CCDC158: variants seen among roughly 807,000 people sequenced by gnomAD.
The protein encoded by CCDC158 is coiled-coil domain-containing protein 158.
In CCDC158, 116 loss-of-function variants were observed where a neutral mutation model predicts 138.6. That is an observed-to-expected ratio of 0.84 (90% CI 0.72 to 0.98). The LOEUF (loss-of-function observed/expected upper bound fraction) is 0.98, where lower values mean the gene tolerates loss of function less well. Ranked by LOEUF, CCDC158 falls within the 50% of genes least tolerant of loss-of-function variation. CCDC158 has a pLI of 0.00. For synonymous variants in CCDC158, 436 were observed against 442.4 expected (o/e 0.99, Z 0.18); for missense variants, 1,265 against 1,306.1 (o/e 0.97, Z 0.48).
intron 6 of CCDC158, 43 bp from the exon 7 acceptor site, chr4:76,383,781 T>A (rs777131701): frequency 7.2e-7 from 1 of 1,381,292 alleles, no homozygotes; most frequent in East Asian, 2.3e-5. Context: ...CTGGTAAATA[T>A]AAGGCTTGGA....
chr4:76,402,232 A>C (rs555092428), intron 3 of CCDC158: 1 of 152,262 alleles, frequency 6.6e-6, no homozygotes, highest in Admixed American at 6.5e-5. Flanking sequence ...TTGCCCTTGA[A>C]TGCATTCTCT....
intron 4 of CCDC158, among the ~76,000 whole-genome samples, chr4:76,388,609 A>G (rs1678148404): frequency 6.6e-6 from 1 of 152,186 alleles, no homozygotes; most frequent in South Asian, 2.1e-4. Flanking sequence ...ATTTGACTCC[A>G]ATCCCTGGCT....
chr4:76,408,484 G>C (rs1053861541), intron 2 of CCDC158, among the ~76,000 whole-genome samples: 4 of 152,048 alleles, frequency 2.6e-5, no homozygotes, highest in African/African-American at 9.7e-5. Context: ...ATGGTTTCCA[G>C]CTTCATCCAC....
chr4:76,338,388 T>C (rs1721736790), intron 18 of CCDC158, among the ~76,000 whole-genome samples: 1 of 152,164 alleles, frequency 6.6e-6, no homozygotes, highest in African/African-American at 2.4e-5. Context: ...CGTGTATGCC[T>C]GTAGTCCCAG....
intron 8 of CCDC158, among the ~76,000 whole-genome samples, chr4:76,381,483 G>T (rs745650533): frequency 1.5e-4 from 23 of 152,222 alleles, no homozygotes; most frequent in Non-Finnish European, 1.3e-4. Context: ...CTTTGTTTTG[G>T]CCTATTTTTC....
chr4:76,350,846 T>C lies in CCDC158; in HGVS notation c.2664+150A>G, dbSNP rs551576835. 2.0e-4 allele frequency: 124 copies of C among 631,372 alleles called. No homozygotes were observed. The African/African-American group carries it at 2.0e-3, about 10-fold the overall frequency. The allele number at this position is 631,372 out of a possible 1,614,324, so 39.1% of individuals were successfully genotyped here. ...AATATTTTTATTCACCTGGACTCCA[T>C]TGAATTTATAGGAAAATGTATAAAT... is the stretch of plus-strand genomic sequence containing the variant. On this transcript the variant is annotated intron_variant, in intron 18 of 24. Transcript: ENST00000682701.
In CCDC158 at chr4:76,351,751, C is replaced by A. The variant is rs375808480; in HGVS notation, c.2507G>T (p.Arg836Leu). 7 of 1,612,776 alleles carry A rather than the reference C, an allele frequency of 4.3e-6. No homozygotes were observed. The highest frequency in any genetic ancestry group is 1.1e-5 in the South Asian group (1 of 90,964). ...IIQRQEQESV[R>L]LKLQHTLDIK... is the part of the protein sequence containing the mutation. ...ATCCAAAGTGTGTTGAAGTTTTAAG[C>A]GCACTGATTCTTGCTCCTGACGCTG... Residue 836 changes from arginine to leucine, a missense_variant, in exon 17 of 25, where the codon CGC (arginine) becomes CTC (leucine). By Grantham distance (102) the Arg-to-Leu change is moderately radical. Coordinates refer to ENST00000682701, the MANE Select transcript of CCDC158 (RefSeq NM_001394954.1).
At chr4:76,331,043 C>T (rs7658585) in intron 21 of CCDC158, among the ~76,000 whole-genome samples, 37,280 of 152,030 alleles carry the variant, frequency 0.25, 5,683 homozygotes, top group East Asian at 0.69. Flanking sequence ...CCTATTCTAA[C>T]TAGATCTTAA....
chr4:76,371,311 A>T (rs902223119), intron 10 of CCDC158, 106 bp downstream of exon 10: 1 of 1,127,856 alleles, frequency 8.9e-7, no homozygotes, highest in Non-Finnish European at 1.3e-6. Flanking sequence ...GTATGCACAA[A>T]TATTTTGTAA....
intron 8 of CCDC158, among the ~76,000 whole-genome samples, chr4:76,379,848 C>G (rs1367325135): frequency 1.3e-5 from 2 of 151,820 alleles, no homozygotes; most frequent in African/African-American, 4.8e-5. Flanking sequence ...AGGGGAGGGA[C>G]CTGGTGGGAG....
At chr4:76,323,482 G>T in intron 23 of CCDC158, 73 bp from the exon 24 acceptor site, 2 of 1,174,334 alleles carry the variant, frequency 1.7e-6, no homozygotes, top group South Asian at 1.6e-5. Context: ...TTGAATTAAA[G>T]GCTAAACAAT....
Position 76,379,423 on chromosome 4 carries a change from G to T in CCDC158, c.915-19C>A, listed in dbSNP as rs764708417. On this transcript the variant is annotated intron_variant, in intron 8 of 24. Coordinates refer to ENST00000682701, the MANE Select transcript of CCDC158 (RefSeq NM_001394954.1). ...TTGCTCTCTAAGAAGAGTTTAGAAG[G>T]GGAATAAGTGCAAATAGCAAACTAA... The T allele has an allele frequency of 7.7e-5, 114 of 1,483,342 alleles. No individual in the cohort carries two copies. The East Asian group carries it at 2.6e-3, about 34-fold the overall frequency. The allele number at this position is 1,483,342 out of a possible 1,614,324, so 91.9% of individuals were successfully genotyped here. A position where few individuals can be genotyped will look rare whatever the true frequency, so the allele number is the denominator to read the frequency against.
At position 76,367,556 on chromosome 4, in the gene CCDC158, CG is replaced by C. The variant is rs1724802455; in HGVS notation, c.1567del (p.Arg523AlafsTer6). On this transcript the variant is annotated frameshift_variant, in exon 12 of 25. Transcript: ENST00000682701. LOFTEE classifies it high-confidence loss of function. ...CTGCAATTTCAAGTCCACCCGGGAG[CG>C]GAGCTTTGTGATCTCTGCATTGGTA... ...EATNAEITKL[R>X]SRVDLKLQEL... The C allele has an allele frequency of 5.0e-6, 8 of 1,614,204 alleles. No individual in the cohort carries two copies. The highest frequency in any genetic ancestry group is 5.9e-6 in the Non-Finnish European group (7 of 1,180,022).
intron 3 of CCDC158, 62 bp downstream of exon 3, chr4:76,403,076 C>G: frequency 1.7e-6 from 2 of 1,169,246 alleles, no homozygotes; most frequent in Non-Finnish European, 2.5e-6. Flanking sequence ...GAAACAGCAG[C>G]TTGAATGAAT....
At position 76,353,271 on chromosome 4, in the gene CCDC158, A is replaced by T. The variant is rs772153260; in HGVS notation, c.2297T>A (p.Phe766Tyr). 16 of 1,606,296 alleles carry T rather than the reference A, an allele frequency of 1.0e-5. No homozygotes were observed. Among genetic ancestry groups the T allele is most frequent in the Non-Finnish European group, 1.3e-5 (15 of 1,176,710 alleles). The change falls in exon 16 of 25, where the codon TTT becomes TAT. Residue 766 changes from phenylalanine (F) to tyrosine (Y), a missense_variant. Transcript: ENST00000682701. ...GAGTTTACTTTTCTCTTCTTTCAGA[A>T]AATGTTTCTCCTACAATTATATGAG... ...AMTNANKEKH[F>Y]LKEEKSKLSQ...
intron 4 of CCDC158, among the ~76,000 whole-genome samples, chr4:76,386,232 A>T (rs1054454712): frequency 7.4e-5 from 11 of 147,978 alleles, no homozygotes; most frequent in Admixed American, 5.5e-4. Context: ...AAATTTTAAA[A>T]ACTATCTGCA....
rs766440132 is a variant in CCDC158, at chr4:76,357,465, T to A, written c.2082A>T (p.Thr694=). ...RNKSEEMEMT[T]NKLKMQLKSA... ...ATTTTAATTGCATTTTCAACTTATTTGTAGTCATTTCCATTTCTTCACTTT... is the reference window on the plus strand; with the variant it reads ...ATTTTAATTGCATTTTCAACTTATTAGTAGTCATTTCCATTTCTTCACTTT... Residue 694 remains threonine, a synonymous_variant, in exon 14 of 25, where the codon ACA becomes ACT. Coordinates refer to ENST00000682701, the MANE Select transcript of CCDC158 (RefSeq NM_001394954.1). 2 of 1,605,508 alleles carry A rather than the reference T, an allele frequency of 1.2e-6. No individual in the cohort carries two copies. The highest frequency in any genetic ancestry group is 2.2e-5 in the South Asian group (2 of 89,338).
intron 23 of CCDC158, among the ~76,000 whole-genome samples, chr4:76,324,970 G>A (rs537622124): frequency 2.0e-5 from 3 of 152,172 alleles, no homozygotes; most frequent in Non-Finnish European, 4.4e-5. Flanking sequence ...TGAGAAATTG[G>A]ATTTGTCAGT....
At chr4:76,390,129 A>C (rs1343971988) in intron 4 of CCDC158, among the ~76,000 whole-genome samples, 1 of 152,194 alleles carries the variant, frequency 6.6e-6, no homozygotes, top group Non-Finnish European at 1.5e-5. Context: ...AAACCAATCA[A>C]AAGTAATAAT....
Sources: allele counts gnomAD v4.1 joint callset (sites outside exome capture counted in the v4.1 genomes callset), GRCh38; gene constraint gnomAD v4.1.1; transcripts MANE v1.5; gene names NCBI Gene and HGNC (gene_info 2026-07-23, HGNC 2026-07-21).